TMEM178B: variants seen among roughly 807,000 people sequenced by gnomAD.
TMEM178B encodes the protein transmembrane protein 178B.
TMEM178B carries 5 observed loss-of-function variants against 31.0 expected under a neutral mutation model. The ratio of observed to expected loss-of-function variants is 0.16; its 90% CI spans 0.08 to 0.34. The LOEUF is 0.34. Ranked by LOEUF, TMEM178B falls within the 10% of genes least tolerant of loss-of-function variation. TMEM178B has a pLI of 1.00. For missense variants in TMEM178B, 275 were observed against 400.3 expected, an observed-to-expected ratio of 0.69 and a Z score of 2.67; for synonymous variants, 164 against 164.0, an observed-to-expected ratio of 1.00 and a Z score of 0.00.
At chr7:141,370,122 T>A (rs1800089057) in intron 2 of TMEM178B, among the ~76,000 whole-genome samples, 1 of 151,674 alleles carries the variant, frequency 6.6e-6, no homozygotes. Context: ...CCCAAGTGTG[T>A]GTGACTGGAC....
intron 2 of TMEM178B, among the ~76,000 whole-genome samples, chr7:141,279,820 A>G (rs979698120): frequency 1.3e-5 from 2 of 152,230 alleles, no homozygotes; most frequent in Non-Finnish European, 2.9e-5. Flanking sequence ...TTCTGTAGCC[A>G]TCGGTGGATT....
intron 2 of TMEM178B, among the ~76,000 whole-genome samples, chr7:141,250,582 A>T (rs1395022677): frequency 1.3e-5 from 2 of 152,158 alleles, no homozygotes; most frequent in African/African-American, 4.8e-5. Context: ...GGAGTGTCTG[A>T]TGTTCTCATG....
chr7:141,088,144 C>T (rs1794817703), intron 1 of TMEM178B, among the ~76,000 whole-genome samples: 1 of 152,110 alleles, frequency 6.6e-6, no homozygotes, highest in South Asian at 2.1e-4. Flanking sequence ...TTGGAAAAGC[C>T]TGGCCTCTGT....
chr7:141,095,713 C>T (rs913761593), intron 1 of TMEM178B, among the ~76,000 whole-genome samples: 8 of 152,140 alleles, frequency 5.3e-5, no homozygotes, highest in Non-Finnish European at 1.2e-4. Flanking sequence ...GTGTGGCATG[C>T]AGAAGACGTA....
rs1325010359 is a variant in TMEM178B at position 141,074,492 on chromosome 7, AC to A, written c.183del (p.Asn61LysfsTer31). 1 of 1,535,808 alleles carries A rather than the reference AC, an allele frequency of 6.5e-7. No individual in the cohort carries two copies. The highest frequency in any genetic ancestry group is 1.4e-5 in the African/African-American group (1 of 73,006). ...VDPGFIYNNN[N>X]NLPLRASRSR... ...CCCGGCTTCATTTACAACAATAACA[AC>A]AACTTGCCGCTCCGGGCGAGCCGCT... On this transcript the variant is annotated frameshift_variant, in exon 1 of 4. Transcript: ENST00000565468. LOFTEE classifies it high-confidence loss of function. The surrounding 1 kb of genome is among the most constrained non-coding windows in gnomAD (Gnocchi z 5.1).
At chr7:141,481,159 C>A (rs1563194432), downstream of TMEM178B, among the ~76,000 whole-genome samples, 1 of 152,244 alleles carries the variant, frequency 6.6e-6, no homozygotes, top group East Asian at 1.9e-4. Context: ...GGCGCTGCTT[C>A]TGCCGCCACC....
intron 1 of TMEM178B, among the ~76,000 whole-genome samples, chr7:141,088,312 G>C (rs940224134): frequency 1.3e-5 from 2 of 151,822 alleles, no homozygotes; most frequent in African/African-American, 4.8e-5. Flanking sequence ...CATGTGCTAG[G>C]TTTCCTCACC....
At chr7:141,373,798 C>T (rs11981753) in intron 2 of TMEM178B, among the ~76,000 whole-genome samples, 18,816 of 152,180 alleles carry the variant, frequency 0.12, 2,193 homozygotes, top group African/African-American at 0.3. Context: ...CAGCACACCA[C>T]AGTATTCACT....
intron 2 of TMEM178B, among the ~76,000 whole-genome samples, chr7:141,215,337 A>ATTTTTTTTTTTTT (rs67571979): frequency 1.4e-5 from 2 of 141,488 alleles, no homozygotes; most frequent in African/African-American, 2.5e-5. Context: ...TATTATTATT[A>ATTTTTTTTTTTTT]TTTTTTGAGA....
chr7:141,128,466 T>C (rs1795541228), intron 1 of TMEM178B, among the ~76,000 whole-genome samples: 1 of 152,192 alleles, frequency 6.6e-6, no homozygotes, highest in Non-Finnish European at 1.5e-5. Flanking sequence ...CTACTCAGCA[T>C]TGTAAAAATG....
rs71170797 is a variant in TMEM178B at position 141,432,146 on chromosome 7, C to CTTTTTTTTTTTT, written c.497-5445_497-5434dup. On this transcript the variant is annotated intron_variant, in intron 2 of 3. Transcript: ENST00000565468. ...TTTCTTTTTCTCTCCTTCACTGCAT[C>CTTTTTTTTTTTT]TTTTTTTTTTTTTTTTTTTTTTTTT... Among the ~76,000 whole-genome samples the CTTTTTTTTTTTT allele has an allele frequency of 2.4e-3, 187 of 79,086 alleles. 11 individuals carry two copies. The highest frequency in any genetic ancestry group is 7.4e-3 in the Middle Eastern group (1 of 136). 51.9% of individuals were successfully genotyped at this position (79,086 alleles called of 152,430 possible).
intron 2 of TMEM178B, among the ~76,000 whole-genome samples, chr7:141,388,263 G>T (rs370218782): frequency 6.6e-6 from 1 of 152,070 alleles, no homozygotes; most frequent in African/African-American, 2.4e-5. Flanking sequence ...GTAAGAACTC[G>T]CCCTGGACCA....
At chr7:141,140,379 A>T (rs1036734632) in intron 1 of TMEM178B, among the ~76,000 whole-genome samples, 1 of 152,162 alleles carries the variant, frequency 6.6e-6, no homozygotes, top group African/African-American at 2.4e-5. Flanking sequence ...CCATTTATAT[A>T]CTTATTTTTA....
the TMEM178B span, among the ~76,000 whole-genome samples, chr7:141,499,660 C>A: frequency 6.6e-6 from 1 of 151,652 alleles, no homozygotes; most frequent in Admixed American, 6.6e-5. Flanking sequence ...CAAAAAAACC[C>A]CACAAAAGAT....
intron 2 of TMEM178B, among the ~76,000 whole-genome samples, chr7:141,280,627 T>C (rs574515193): frequency 1.7e-4 from 26 of 152,362 alleles, no homozygotes; most frequent in Middle Eastern, 6.8e-3. Context: ...TGTGTCTTTA[T>C]CAGCAGTGAA....
intron 2 of TMEM178B, among the ~76,000 whole-genome samples, chr7:141,370,812 A>G (rs976237214): frequency 1.3e-5 from 2 of 152,246 alleles, no homozygotes; most frequent in African/African-American, 2.4e-5. Flanking sequence ...GGATATGCAC[A>G]TTGGTCTCCA....
intron 2 of TMEM178B, among the ~76,000 whole-genome samples, chr7:141,348,709 G>C (rs1799659916): frequency 6.6e-6 from 1 of 152,176 alleles, no homozygotes; most frequent in Admixed American, 6.5e-5. Flanking sequence ...AGTTTGAAAT[G>C]GACCTGTAAA....
At chr7:141,290,639 A>G (rs767399011) in intron 2 of TMEM178B, among the ~76,000 whole-genome samples, 2 of 152,164 alleles carry the variant, frequency 1.3e-5, no homozygotes, top group African/African-American at 2.4e-5. Flanking sequence ...ATCACCTTCC[A>G]TAGTCAGCTC....
At chr7:141,433,572 G>C (rs1341939072) in intron 2 of TMEM178B, among the ~76,000 whole-genome samples, 1 of 152,178 alleles carries the variant, frequency 6.6e-6, no homozygotes, top group Admixed American at 6.5e-5. Context: ...GGAAATGCTA[G>C]ACACATTTTT....
Sources: gnomAD v4.1 joint callset for allele counts (sites outside exome capture counted in the v4.1 genomes callset) on GRCh38, gnomAD v4.1.1 for gene constraint, Gnocchi (gnomAD v3.1) non-coding constraint, MANE v1.5 for transcripts, NCBI Gene and HGNC (gene_info 2026-07-23, HGNC 2026-07-21) for gene names.